The following GPR37 variants were observed in gnomAD, a reference collection of about 807,000 sequenced individuals.
GPR37 encodes prosaposin receptor GPR37.
GPR37 carries 20 observed loss-of-function variants against 43.6 expected under a neutral mutation model. The ratio of observed to expected loss-of-function variants is 0.46; its 90% CI spans 0.32 to 0.67. The LOEUF (loss-of-function observed/expected upper bound fraction) is 0.67. GPR37 is among the 30% of genes least tolerant of loss of function. The probability of loss-of-function intolerance (pLI) is 0.03; values close to 1 mark genes in which losing one functional copy is unlikely to be tolerated. For missense variants in GPR37, 724 were observed against 797.2 expected (o/e 0.91, Z 1.11); for synonymous variants, 315 against 322.6 (o/e 0.98, Z 0.25).
At chr7:124,754,696 C>T (rs574166050) in intron 1 of GPR37, among the ~76,000 whole-genome samples, 7 of 152,194 alleles carry the variant, frequency 4.6e-5, no homozygotes, top group African/African-American at 1.4e-4. Context: ...TATGTGCTGT[C>T]CTTTGTTTAC....
At chr7:124,754,990 G>A (rs1793776054) in intron 1 of GPR37, among the ~76,000 whole-genome samples, 1 of 151,344 alleles carries the variant, frequency 6.6e-6, no homozygotes, top group South Asian at 2.1e-4. Flanking sequence ...TTATCAGACT[G>A]CTCTGAATAA....
In GPR37 at chr7:124,764,122, G is replaced by A. The variant is rs149674781; in HGVS notation, c.855C>T (p.Ile285=). 1 of 1,612,140 alleles carries A rather than the reference G, an allele frequency of 6.2e-7. No homozygotes were observed. Among genetic ancestry groups the A allele is most frequent in the African/African-American group, 1.3e-5 (1 of 74,910 alleles). ...GIIGNLAVMC[I]VCHNYYMRSI... ...TCCGCATGTAGTAGTTGTGGCACAC[G>A]ATGCACATCACCGCCAGGTTGCCAA... The change falls in exon 1 of 2, where the codon ATC becomes ATT. Residue 285 remains isoleucine (I), a synonymous_variant. Transcript: ENST00000303921. The surrounding 1 kb of genome is among the most constrained non-coding windows in gnomAD (Gnocchi z 5.4).
In GPR37 at chr7:124,746,516, T is replaced by G; in HGVS notation, c.*9A>C. On this transcript the variant is annotated 3_prime_UTR_variant, in exon 2 of 2. Transcript: ENST00000303921. Reference sequence around the variant, plus strand: ...AACAAATAAATCTGACCCAACCAAGTACTGTCCTTCAGCAATGAGTTCCGA... The same window carrying G: ...AACAAATAAATCTGACCCAACCAAGGACTGTCCTTCAGCAATGAGTTCCGA... 1 of 1,570,920 alleles carries G rather than the reference T, an allele frequency of 6.4e-7. No individual in the cohort carries two copies. The highest frequency in any genetic ancestry group is 8.7e-7 in the Non-Finnish European group (1 of 1,155,492).
Position 124,764,961 on chromosome 7 carries a change from C to G in GPR37, c.16G>C (p.Ala6Pro), listed in dbSNP as rs1793900578. ...AGCCGCGACATGCGGGCGAGAAGCGCGCCCGGGGCTCGCATGGCTTGGTGA... is the reference window on the plus strand; with the variant it reads ...AGCCGCGACATGCGGGCGAGAAGCGGGCCCGGGGCTCGCATGGCTTGGTGA... MRAPG[A>P]LLARMSRLLL... is the part of the protein sequence containing the mutation. The change falls in exon 1 of 2, where the codon GCG becomes CCG. Residue 6 changes from alanine (A) to proline (P), a missense_variant. Physicochemically the swap from Ala to Pro is conservative, Grantham distance 27 (BLOSUM62 -1). This residue lies in a region of GPR37 where 382 missense variants were observed against 355.4 expected (regional missense o/e 1.07). Coordinates refer to ENST00000303921, the MANE Select transcript of GPR37 (RefSeq NM_005302.5). The surrounding 1 kb of genome is among the most constrained non-coding windows in gnomAD (Gnocchi z 5.4). 4 of 1,490,884 alleles carry G rather than the reference C, an allele frequency of 2.7e-6. No individual in the cohort carries two copies. Among genetic ancestry groups the G allele is most frequent in the Non-Finnish European group, 3.6e-6 (4 of 1,123,914 alleles). The allele number at this position is 1,490,884 out of a possible 1,614,324, so 92.4% of individuals were successfully genotyped here.
rs376065445 is a variant in GPR37 at position 124,747,276 on chromosome 7, G to A, written c.1091C>T (p.Thr364Ile). The change falls in exon 2 of 2, where the codon ACC becomes ATC. Residue 364 changes from threonine (T) to isoleucine (I), a missense_variant. This residue lies in a region of GPR37 where 342 missense variants were observed against 441.8 expected (regional missense o/e 0.77). Transcript: ENST00000303921. ...ALCIDRFRAA[T>I]NVQMYYEMIE... ...CATTTCGTAGTACATCTGTACGTTG[G>A]TGGCAGCACGGAAGCGGTCTATGCA... The A allele has an allele frequency of 1.2e-6, 2 of 1,613,732 alleles. No homozygotes were observed. Among genetic ancestry groups the A allele is most frequent in the African/African-American group, 2.7e-5 (2 of 74,884 alleles).
Position 124,764,947 on chromosome 7 carries a change from G to A in GPR37, c.30C>T (p.Arg10=). 1 of 1,519,766 alleles carries A rather than the reference G, an allele frequency of 6.6e-7. No individual in the cohort carries two copies. 94.1% of individuals were successfully genotyped at this position (1,519,766 alleles called of 1,614,324 possible). The part of the protein sequence containing the change: MRAPGALLA[R]MSRLLLLLLL... ...GTAGCAGAAGCAGTAGCCGCGACAT[G>A]CGGGCGAGAAGCGCGCCCGGGGCTC... The change falls in exon 1 of 2, where the codon CGC becomes CGT. Residue 10 remains arginine, a synonymous_variant. Transcript: ENST00000303921. The surrounding 1 kb of genome is among the most constrained non-coding windows in gnomAD (Gnocchi z 5.4).
intron 1 of GPR37, among the ~76,000 whole-genome samples, chr7:124,750,943 TTCAG>T (rs1299022660): frequency 2.0e-5 from 3 of 152,162 alleles, no homozygotes; most frequent in Non-Finnish European, 4.4e-5. Flanking sequence ...TGCTCAGTTC[TTCAG>T]TCATATTCCC....
In GPR37 at chr7:124,747,340, C is replaced by A; in HGVS notation, c.1027G>T (p.Ala343Ser). Reference protein sequence around the residue: ...SCKIVPYIEVASLGVTTFTLC... With the variant: ...SCKIVPYIEVSSLGVTTFTLC... ...GTGAAAGTGGTGACTCCCAGAGAAG[C>A]GACCTGTGGGGGAACATAGAAGACA... is the stretch of plus-strand genomic sequence containing the variant. Residue 343 changes from alanine to serine, a missense_variant, in exon 2 of 2, where the codon GCT becomes TCT. Coordinates refer to ENST00000303921, the MANE Select transcript of GPR37 (RefSeq NM_005302.5). 1 of 1,601,602 alleles carries A rather than the reference C, an allele frequency of 6.2e-7. No individual in the cohort carries two copies. The highest frequency in any genetic ancestry group is 8.5e-7 in the Non-Finnish European group (1 of 1,171,710).
In GPR37 at chr7:124,745,320, C is replaced by T. The variant is rs1793658057; in HGVS notation, c.*1205G>A. ...TCACTGTGTCACTAGGTCATGGTCT[C>T]TGCCACCTGAGTTAGACATGTGTCC... On this transcript the variant is annotated 3_prime_UTR_variant, in exon 2 of 2. Transcript: ENST00000303921. 6.6e-6 allele frequency among the ~76,000 whole-genome samples: 1 copy of T among 152,176 alleles called. No individual in the cohort carries two copies. The highest frequency in any genetic ancestry group is 1.5e-5 in the Non-Finnish European group (1 of 68,026).
At chr7:124,759,181 C>T (rs147024237) in intron 1 of GPR37, among the ~76,000 whole-genome samples, 137 of 152,004 alleles carry the variant, frequency 9.0e-4, no homozygotes, top group African/African-American at 3.1e-3. Flanking sequence ...ATCCTCCTAC[C>T]CCAGCCTCCT....
At chr7:124,755,600 T>TTA (rs1169947959) in intron 1 of GPR37, among the ~76,000 whole-genome samples, 8 of 152,182 alleles carry the variant, frequency 5.3e-5, no homozygotes, top group Non-Finnish European at 1.2e-4. Flanking sequence ...ACCTAACATG[T>TTA]TATAATTCCT....
chr7:124,762,536 G>T (rs1793862987), intron 1 of GPR37, among the ~76,000 whole-genome samples: 1 of 151,660 alleles, frequency 6.6e-6, no homozygotes, highest in Non-Finnish European at 1.5e-5. Flanking sequence ...GAGGCAGTTT[G>T]GTAAATAGAC....
At chr7:124,760,832 A>C (rs1793842515) in intron 1 of GPR37, among the ~76,000 whole-genome samples, 1 of 152,148 alleles carries the variant, frequency 6.6e-6, no homozygotes, top group Non-Finnish European at 1.5e-5. Flanking sequence ...GGATTAGAAC[A>C]TTATCTATGT....
Position 124,764,842 on chromosome 7 carries a change from T to C in GPR37, c.135A>G (p.Ala45=). 1 of 1,613,508 alleles carries C rather than the reference T, an allele frequency of 6.2e-7. No homozygotes were observed. The highest frequency in any genetic ancestry group is 1.1e-5 in the South Asian group (1 of 91,042). ...RNETCLGESC[A]PTVIQRRGRD... The stretch of plus-strand genomic sequence containing the variant: ...TGCCGCGGCGCTGGATCACTGTAGG[T>C]GCACAGCTCTCCCCCAGACAAGTTT... Residue 45 remains alanine, a synonymous_variant, in exon 1 of 2, where the codon GCA becomes GCG. Coordinates refer to ENST00000303921, the MANE Select transcript of GPR37 (RefSeq NM_005302.5). This position sits in a 1 kb window ranked among gnomAD's most constrained non-coding sequence, Gnocchi z 5.4.
intron 1 of GPR37, among the ~76,000 whole-genome samples, chr7:124,762,425 C>T (rs1793861286): frequency 6.6e-6 from 1 of 151,536 alleles, no homozygotes; most frequent in South Asian, 2.1e-4. Flanking sequence ...CATTGAGGTA[C>T]CTCTCTTGTC....
chr7:124,757,585 G>GA (rs1352916949), intron 1 of GPR37, among the ~76,000 whole-genome samples: 1 of 152,168 alleles, frequency 6.6e-6, no homozygotes, highest in East Asian at 1.9e-4. Context: ...TAACTGAAAA[G>GA]AATTAGAGGG....
chr7:124,746,125 C>A lies in GPR37; in HGVS notation c.*400G>T. The A allele has an allele frequency of 6.4e-6, 1 of 155,170 alleles. No individual in the cohort carries two copies. 9.6% of individuals were successfully genotyped at this position (155,170 alleles called of 1,614,324 possible). A position where few individuals can be genotyped will look rare whatever the true frequency, so the allele number is the denominator to read the frequency against. On this transcript the variant is annotated 3_prime_UTR_variant, in exon 2 of 2. Transcript: ENST00000303921. ...ATGCTTCCAAGTACAAATCATCTCA[C>A]AATACCATATACAACATACTTTCAA...
Position 124,746,745 on chromosome 7 carries a change from T to G in GPR37, c.1622A>C (p.Lys541Thr). 6.2e-7 allele frequency: 1 copy of G among 1,613,950 alleles called. No homozygotes were observed. Among genetic ancestry groups the G allele is most frequent in the Non-Finnish European group, 8.5e-7 (1 of 1,179,900 alleles). The change falls in exon 2 of 2, where the codon AAG becomes ACG. Residue 541 changes from lysine to threonine, a missense_variant. Physicochemically the swap from Lys to Thr is moderately conservative, Grantham distance 78. Coordinates refer to ENST00000303921, the MANE Select transcript of GPR37 (RefSeq NM_005302.5). The part of the protein sequence containing the change: ...NIISQFLLFF[K>T]SCVTPVLLFC... ...AAGGAGGACTGGGGTGACACAGGAC[T>G]TAAAGAACAAAAGGAACTGGCTGAT...
intron 1 of GPR37, among the ~76,000 whole-genome samples, chr7:124,752,665 CA>C (rs1793746508): frequency 6.6e-6 from 1 of 152,162 alleles, no homozygotes; most frequent in African/African-American, 2.4e-5. Context: ...ACTAACTTTA[CA>C]GGCTGACCAA....
Sources: allele counts gnomAD v4.1 joint callset (sites outside exome capture counted in the v4.1 genomes callset), GRCh38; gene constraint gnomAD v4.1.1; regional missense constraint gnomAD v4.1.1; non-coding constraint Gnocchi (gnomAD v3.1); transcripts MANE v1.5; gene names NCBI Gene and HGNC (gene_info 2026-07-23, HGNC 2026-07-21).